KHDRBS2: variants seen among roughly 807,000 people sequenced by gnomAD.
The protein encoded by KHDRBS2 is KH domain-containing, RNA-binding, signal transduction-associated protein 2.
A neutral mutation model predicts 44.3 loss-of-function variants in KHDRBS2; 26 were observed. That is an observed-to-expected ratio of 0.59 (90% CI 0.43 to 0.81). The LOEUF (loss-of-function observed/expected upper bound fraction) is 0.81. Ranked by LOEUF, KHDRBS2 falls within the 40% of genes least tolerant of loss-of-function variation. KHDRBS2 has a pLI of 0.00. For synonymous variants in KHDRBS2, 194 were observed against 151.1 expected (o/e 1.28, Z -2.08); for missense variants, 476 against 433.1 (o/e 1.10, Z -0.88).
intron 2 of KHDRBS2, among the ~76,000 whole-genome samples, chr6:62,103,394 C>G (rs543671592): frequency 6.6e-6 from 1 of 152,356 alleles, no homozygotes; most frequent in Admixed American, 6.5e-5. Flanking sequence ...TATGACATGT[C>G]AGAACTGTCC....
chr6:61,620,187 A>G, the KHDRBS2 span, among the ~76,000 whole-genome samples: 1 of 152,162 alleles, frequency 6.6e-6, no homozygotes, highest in Admixed American at 6.5e-5. Context: ...ATAAAACTAT[A>G]AGCATTCAGA....
the KHDRBS2 span, among the ~76,000 whole-genome samples, chr6:61,673,290 C>T: frequency 1.9e-4 from 28 of 150,908 alleles, no homozygotes; most frequent in East Asian, 5.9e-4. Context: ...TGATGCCTCC[C>T]GCTATGACAA....
chr6:62,054,947 C>T (rs1789925868), intron 2 of KHDRBS2, among the ~76,000 whole-genome samples: 1 of 151,886 alleles, frequency 6.6e-6, no homozygotes, highest in African/African-American at 2.4e-5. Flanking sequence ...AATAGGCTAT[C>T]CATAGTAAGA....
intron 1 of KHDRBS2, among the ~76,000 whole-genome samples, chr6:62,256,573 C>G (rs115711821): frequency 6.6e-6 from 1 of 151,994 alleles, no homozygotes; most frequent in African/African-American, 2.4e-5. Context: ...TCCCCAGACA[C>G]GTGGAACTGA....
chr6:61,922,024 A>G (rs1808165395), intron 4 of KHDRBS2, among the ~76,000 whole-genome samples: 1 of 152,006 alleles, frequency 6.6e-6, no homozygotes, highest in African/African-American at 2.4e-5. Flanking sequence ...TTAAAAAATT[A>G]TATCTCATAG....
intron 2 of KHDRBS2, among the ~76,000 whole-genome samples, chr6:62,108,770 A>C (rs1804205643): frequency 6.6e-6 from 1 of 152,202 alleles, no homozygotes; most frequent in African/African-American, 2.4e-5. Context: ...TGCACCTATA[A>C]AAATGATGAG....
rs576231809 is a variant in KHDRBS2, at chr6:61,917,293, G to A, written c.484-15922C>T. On this transcript the variant is annotated intron_variant, in intron 4 of 8. Transcript: ENST00000281156. Reference sequence around the variant, plus strand: ...AATAAATGAGTTTGTATGAAGCCAAGGAAAGAAATGGAAAAAGCTTAAATG... The same window carrying A: ...AATAAATGAGTTTGTATGAAGCCAAAGAAAGAAATGGAAAAAGCTTAAATG... Among the ~76,000 whole-genome samples, 6 of 151,716 alleles carry A rather than the reference G, an allele frequency of 4.0e-5. No homozygotes were observed. The East Asian group carries it at 1.2e-3, about 29-fold the overall frequency.
intron 2 of KHDRBS2, 59 bp from the exon 3 acceptor site, chr6:62,048,053 C>G (rs978275479): frequency 5.0e-6 from 5 of 990,846 alleles, no homozygotes; most frequent in African/African-American, 1.6e-5. Context: ...ATTATTTGCA[C>G]CAAGAGTAAT....
intron 4 of KHDRBS2, among the ~76,000 whole-genome samples, chr6:61,941,729 A>G (rs1256663096): frequency 3.3e-5 from 5 of 152,302 alleles, no homozygotes; most frequent in Middle Eastern, 3.4e-3. Flanking sequence ...AGTGTCCTAC[A>G]TAACCAACAC....
chr6:61,978,044 G>T (rs1298931745), intron 4 of KHDRBS2, 22 bp downstream of exon 4: 1 of 1,560,342 alleles, frequency 6.4e-7, no homozygotes, highest in Non-Finnish European at 8.6e-7. Flanking sequence ...AAACATCTTT[G>T]TAAAAAATGA....
intron 3 of KHDRBS2, among the ~76,000 whole-genome samples, chr6:62,009,473 G>A (rs1325171243): frequency 2.0e-5 from 3 of 152,210 alleles, no homozygotes; most frequent in African/African-American, 7.2e-5. Context: ...AGAAATCCAA[G>A]CCCACTGCAG....
intron 1 of KHDRBS2, among the ~76,000 whole-genome samples, chr6:62,219,455 GACAA>G (rs1384659063): frequency 2.0e-5 from 3 of 151,352 alleles, no homozygotes; most frequent in Non-Finnish European, 3.0e-5. Flanking sequence ...TTCTAAAAAT[GACAA>G]ACAAAAACAA....
intron 3 of KHDRBS2, among the ~76,000 whole-genome samples, chr6:61,995,048 A>C (rs1776910339): frequency 6.6e-6 from 1 of 152,146 alleles, no homozygotes; most frequent in African/African-American, 2.4e-5. Flanking sequence ...AGATGTAGAC[A>C]ACTATATAGG....
chr6:61,914,725 T>C (rs974310317), intron 4 of KHDRBS2, among the ~76,000 whole-genome samples: 1 of 152,150 alleles, frequency 6.6e-6, no homozygotes, highest in Non-Finnish European at 1.5e-5. Context: ...TTCAGTGTGA[T>C]GTGATTTCTG....
At position 62,275,008 on chromosome 6, in the gene KHDRBS2, T is replaced by TACACACAC. The variant is rs145870587; in HGVS notation, c.91+10842_91+10849dup. On this transcript the variant is annotated intron_variant, in intron 1 of 8. Coordinates refer to ENST00000281156, the MANE Select transcript of KHDRBS2 (RefSeq NM_152688.4). ...ATATATACATATATCGCTCATCAAA[T>TACACACAC]ACACACACACACACACACACACACA... is the stretch of plus-strand genomic sequence containing the variant. 7.8e-3 allele frequency among the ~76,000 whole-genome samples: 1,117 copies of TACACACAC among 142,462 alleles called. 17 individuals are homozygous for TACACACAC. Among genetic ancestry groups the TACACACAC allele is most frequent in the African/African-American group, 0.026 (996 of 38,496 alleles). The allele number at this position is 142,462 out of a possible 152,430, so 93.5% of individuals were successfully genotyped here.
chr6:61,853,428 A>C (rs1795734904), intron 6 of KHDRBS2, among the ~76,000 whole-genome samples: 1 of 152,226 alleles, frequency 6.6e-6, no homozygotes, highest in African/African-American at 2.4e-5. Flanking sequence ...ACATAATTAC[A>C]GTTATGTGAT....
intron 2 of KHDRBS2, among the ~76,000 whole-genome samples, chr6:62,080,752 T>G (rs1413016150): frequency 1.3e-5 from 2 of 152,126 alleles, no homozygotes; most frequent in Admixed American, 6.6e-5. Flanking sequence ...TCCTTCCCTT[T>G]GGGTTATTGA....
chr6:62,123,170 T>C (rs1233725005), intron 2 of KHDRBS2, among the ~76,000 whole-genome samples: 7 of 152,194 alleles, frequency 4.6e-5, no homozygotes, highest in Admixed American at 6.5e-5. Flanking sequence ...GTCCTTGTGA[T>C]AGTTTGCTAA....
intron 6 of KHDRBS2, among the ~76,000 whole-genome samples, chr6:61,812,227 ACT>A (rs1162511714): frequency 6.6e-6 from 1 of 151,800 alleles, no homozygotes; most frequent in East Asian, 1.9e-4. Flanking sequence ...GCCTTTCAGC[ACT>A]CTTTAAAATA....
Sources: allele counts gnomAD v4.1 joint callset (sites outside exome capture counted in the v4.1 genomes callset), GRCh38; gene constraint gnomAD v4.1.1; transcripts MANE v1.5; gene names NCBI Gene and HGNC (gene_info 2026-07-23, HGNC 2026-07-21).